The following ALPL variants were observed in gnomAD, a reference collection of about 807,000 sequenced individuals.
ALPL encodes alkaline phosphatase, tissue-nonspecific isozyme.
In ALPL, 42 loss-of-function variants were observed where a neutral mutation model predicts 51.3. That is an observed-to-expected ratio of 0.82 (90% CI 0.64 to 1.06). The LOEUF (loss-of-function observed/expected upper bound fraction) is 1.06. Among genes scored for constraint, ALPL ranks in the 50% least tolerant of loss-of-function variants. The pLI is 0.00. For missense variants in ALPL, 589 were observed against 709.4 expected (o/e 0.83, Z 1.93); for synonymous variants, 279 against 296.4 (o/e 0.94, Z 0.60).
chr1:21,516,216 T>A (rs1373118221), intron 1 of ALPL, among the ~76,000 whole-genome samples: 1 of 152,118 alleles, frequency 6.6e-6, no homozygotes, highest in Non-Finnish European at 1.5e-5. Context: ...CCCCTCCACC[T>A]GTCTCCACCT....
intron 1 of ALPL, among the ~76,000 whole-genome samples, chr1:21,551,765 G>A (rs1210027238): frequency 2.5e-5 from 3 of 119,086 alleles, no homozygotes. Flanking sequence ...TCTCGCTGTC[G>A]CCCAGGCTGG....
chr1:21,524,206 G>A (rs374039033), intron 1 of ALPL, among the ~76,000 whole-genome samples: 15 of 151,968 alleles, frequency 9.9e-5, no homozygotes, highest in East Asian at 5.8e-4. Context: ...GTTTCACCAT[G>A]TTGCTCAGGC....
intron 1 of ALPL, among the ~76,000 whole-genome samples, chr1:21,529,857 G>A (rs979909945): frequency 4.7e-4 from 71 of 151,716 alleles, no homozygotes; most frequent in African/African-American, 1.5e-3. Flanking sequence ...CTGCAGCCTC[G>A]ACCTCCCGAG....
Position 21,575,720 on chromosome 1 carries a change from T to C in ALPL, c.998-13T>C. ...CTCCTCCCTCACCGAGGCCTTTGCC[T>C]TGGTGTCCCAAGGAGGCAGAATTGA... On this transcript the variant is annotated splice_polypyrimidine_tract_variant and intron_variant, in intron 9 of 11. Transcript: ENST00000374840. 2 of 1,614,102 alleles carry C rather than the reference T, an allele frequency of 1.2e-6. No homozygotes were observed. Among genetic ancestry groups the C allele is most frequent in the Non-Finnish European group, 1.7e-6 (2 of 1,180,026 alleles).
intron 1 of ALPL, among the ~76,000 whole-genome samples, chr1:21,542,132 G>A (rs1032966993): frequency 7.2e-5 from 11 of 152,320 alleles, no homozygotes; most frequent in East Asian, 3.9e-4. Flanking sequence ...TGGGCTTGGC[G>A]GAGAGAGGAA....
chr1:21,568,389 T>C (rs999683605), intron 7 of ALPL, 142 bp downstream of exon 7: 8 of 1,119,848 alleles, frequency 7.1e-6, no homozygotes, highest in Non-Finnish European at 1.0e-5. Flanking sequence ...GCCTAAGAGA[T>C]ATACAAGCAG....
intron 1 of ALPL, among the ~76,000 whole-genome samples, chr1:21,516,785 A>G (rs887829040): frequency 6.6e-6 from 1 of 152,230 alleles, no homozygotes; most frequent in Non-Finnish European, 1.5e-5. Flanking sequence ...AGCTTGTCCA[A>G]GCCCTTAATC....
Position 21,577,722 on chromosome 1 carries a change from G to A in ALPL, c.*74G>A, listed in dbSNP as rs1347244994. 13 of 1,531,530 alleles carry A rather than the reference G, an allele frequency of 8.5e-6. No homozygotes were observed. In the Admixed American group the frequency reaches 2.1e-4, roughly 25 times the overall value. 94.9% of individuals were successfully genotyped at this position (1,531,530 alleles called of 1,614,324 possible). A position where few individuals can be genotyped will look rare whatever the true frequency, so the allele number is the denominator to read the frequency against. ...CACACGGCAGCCCCCCCCTCAAGGGGCAGGGAGGTGGGGGCCTCCTCAGCC... is the reference window on the plus strand; with the variant it reads ...CACACGGCAGCCCCCCCCTCAAGGGACAGGGAGGTGGGGGCCTCCTCAGCC... On this transcript the variant is annotated 3_prime_UTR_variant, in exon 12 of 12. Transcript: ENST00000374840.
chr1:21,522,311 T>C (rs572585015), intron 1 of ALPL, among the ~76,000 whole-genome samples: 3 of 152,286 alleles, frequency 2.0e-5, no homozygotes, highest in Admixed American at 2.0e-4. Context: ...CCTGACTTCA[T>C]GATCCGCCCG....
upstream of ALPL, among the ~76,000 whole-genome samples, chr1:21,509,100 C>G (rs1442760844): frequency 1.3e-5 from 2 of 152,008 alleles, no homozygotes; most frequent in Non-Finnish European, 2.9e-5. This position sits in a 1 kb window ranked among gnomAD's most constrained non-coding sequence, Gnocchi z 6.0. Flanking sequence ...AGGAGACGCG[C>G]GCAAGGAGCA....
chr1:21,577,733 G>T lies in ALPL; in HGVS notation c.*85G>T. ...CCCCCCCTCAAGGGGCAGGGAGGTG[G>T]GGGCCTCCTCAGCCTCTGCAACTGC... On this transcript the variant is annotated 3_prime_UTR_variant, in exon 12 of 12. Coordinates refer to ENST00000374840, the MANE Select transcript of ALPL (RefSeq NM_000478.6). 2 of 1,511,260 alleles carry T rather than the reference G, an allele frequency of 1.3e-6. No homozygotes were observed. Among genetic ancestry groups the T allele is most frequent in the South Asian group, 1.2e-5 (1 of 83,526 alleles). 93.6% of individuals were successfully genotyped at this position (1,511,260 alleles called of 1,614,324 possible).
intron 2 of ALPL, among the ~76,000 whole-genome samples, chr1:21,558,011 T>TCCC (rs1175003728): frequency 6.6e-6 from 1 of 152,206 alleles, no homozygotes; most frequent in African/African-American, 2.4e-5. Flanking sequence ...CAGTGCCCTT[T>TCCC]CCCTGGCATT....
Position 21,560,716 on chromosome 1 carries a change from C to T in ALPL, c.152C>T (p.Ala51Val), listed in dbSNP as rs1470389268. 5.0e-6 allele frequency: 8 copies of T among 1,614,024 alleles called. No homozygotes were observed. In the South Asian group the frequency reaches 8.8e-5, roughly 18 times the overall value. The change falls in exon 3 of 12, where the codon GCT becomes GTT. Residue 51 changes from alanine (A) to valine (V), a missense_variant. Physicochemically the swap from Ala to Val is moderately conservative, Grantham distance 64 (BLOSUM62 0). Coordinates refer to ENST00000374840, the MANE Select transcript of ALPL (RefSeq NM_000478.6). Reference sequence around the variant, plus strand: ...CTTCAGAAGCTCAACACCAACGTGGCTAAGAATGTCATCATGTTCCTGGGA... The same window carrying T: ...CTTCAGAAGCTCAACACCAACGTGGTTAAGAATGTCATCATGTTCCTGGGA... Reference protein sequence around the residue: ...LELQKLNTNVAKNVIMFLGDG... With the variant: ...LELQKLNTNVVKNVIMFLGDG...
rs10571494 is a variant in ALPL at position 21,523,999 on chromosome 1, CT to C, written c.-105+14504del. The stretch of plus-strand genomic sequence containing the variant: ...CAAAGGGTAGATACTCAAATCTCTG[CT>C]TTTTTTTTTTTTTTTTTTTTTGACA... On this transcript the variant is annotated intron_variant, in intron 1 of 11. Transcript: ENST00000374840. Among the ~76,000 whole-genome samples, 670 of 94,530 alleles carry C rather than the reference CT, an allele frequency of 7.1e-3. 4 individuals are homozygous for C. Among genetic ancestry groups the C allele is most frequent in the African/African-American group, 0.025 (603 of 24,188 alleles). The allele number at this position is 94,530 out of a possible 152,430, so 62.0% of individuals were successfully genotyped here. A position where few individuals can be genotyped will look rare whatever the true frequency, so the allele number is the denominator to read the frequency against.
At position 21,564,810 on chromosome 1, in the gene ALPL, C is replaced by T. The variant is rs968495793; in HGVS notation, c.648+594C>T. Among the ~76,000 whole-genome samples, 63 of 152,126 alleles carry T rather than the reference C, an allele frequency of 4.1e-4. No individual in the cohort carries two copies. Among genetic ancestry groups the T allele is most frequent in the African/African-American group, 1.5e-3 (61 of 41,410 alleles). On this transcript the variant is annotated intron_variant, in intron 6 of 11. Transcript: ENST00000374840. The surrounding 1 kb of genome is among the most constrained non-coding windows in gnomAD (Gnocchi z 5.8). Reference sequence around the variant, plus strand: ...ATGCCAAGAACTGATTAAGATAATCCCTGTGGAGCTCAGCACAGGACCCGA... The same window carrying T: ...ATGCCAAGAACTGATTAAGATAATCTCTGTGGAGCTCAGCACAGGACCCGA...
chr1:21,527,368 A>G (rs1304357309), intron 1 of ALPL, among the ~76,000 whole-genome samples: 1 of 152,042 alleles, frequency 6.6e-6, no homozygotes, highest in African/African-American at 2.4e-5. Flanking sequence ...ATTTGTTTTG[A>G]AAAACTAAAC....
At chr1:21,533,463 AT>A (rs1349038080) in intron 1 of ALPL, among the ~76,000 whole-genome samples, 5 of 152,142 alleles carry the variant, frequency 3.3e-5, no homozygotes, top group Non-Finnish European at 5.9e-5. Context: ...TCTCCACTGC[AT>A]TTTATCTGTA....
At chr1:21,556,517 T>G (rs1036585777) in intron 2 of ALPL, among the ~76,000 whole-genome samples, 1 of 152,112 alleles carries the variant, frequency 6.6e-6, no homozygotes, top group Non-Finnish European at 1.5e-5. Flanking sequence ...TGCTGCATGC[T>G]TGTAGTCCTA....
intron 9 of ALPL, 147 bp downstream of exon 9, chr1:21,573,946 G>A: frequency 1.3e-6 from 2 of 1,486,588 alleles, no homozygotes; most frequent in African/African-American, 1.4e-5. Flanking sequence ...AAGGAGACGG[G>A]TGGCACTGTA....
Sources: gnomAD v4.1 joint callset for allele counts (sites outside exome capture counted in the v4.1 genomes callset) on GRCh38, gnomAD v4.1.1 for gene constraint, Gnocchi (gnomAD v3.1) non-coding constraint, MANE v1.5 for transcripts, NCBI Gene and HGNC (gene_info 2026-07-23, HGNC 2026-07-21) for gene names.